Variants in WWOX observed in about 807,000 individuals in gnomAD.
WWOX encodes the protein WW domain containing oxidoreductase.
In WWOX, 69 loss-of-function variants were observed where a neutral mutation model predicts 46.2. The observed-to-expected ratio is 1.49, with a 90% CI of 1.23 to 1.82. WWOX has a LOEUF of 1.82. Ranked by LOEUF, WWOX falls within the 40% of genes most tolerant of loss-of-function variation. The probability of loss-of-function intolerance (pLI) is 0.00; values close to 1 mark genes in which losing one functional copy is unlikely to be tolerated. For synonymous variants in WWOX, 359 were observed against 202.6 expected (o/e 1.77, Z -6.56); for missense variants, 919 against 542.6 (o/e 1.69, Z -6.89).
intron 8 of WWOX, among the ~76,000 whole-genome samples, chr16:78,590,421 G>A (rs1010394123): frequency 9.2e-5 from 14 of 152,160 alleles, no homozygotes; most frequent in Admixed American, 2.6e-4. Flanking sequence ...AGAAGGGTGC[G>A]GGAAGAACCC....
At chr16:78,764,307 C>CT (rs34368178) in intron 8 of WWOX, among the ~76,000 whole-genome samples, 1 of 151,530 alleles carries the variant, frequency 6.6e-6, no homozygotes, top group Admixed American at 6.6e-5. Context: ...TGAGTATGGC[C>CT]TTTTGGTCAG....
chr16:79,049,447 C>G (rs1314921742), intron 8 of WWOX, among the ~76,000 whole-genome samples: 1 of 152,174 alleles, frequency 6.6e-6, no homozygotes, highest in Non-Finnish European at 1.5e-5. Flanking sequence ...TATTCTGGTA[C>G]AGCTGTCACC....
At chr16:78,955,733 A>G (rs1343453180) in intron 8 of WWOX, among the ~76,000 whole-genome samples, 7 of 150,918 alleles carry the variant, frequency 4.6e-5, no homozygotes, top group Non-Finnish European at 8.9e-5. Flanking sequence ...TGGCAGCCTC[A>G]GCCTCCTAAA....
At chr16:78,505,704 C>G (rs1030633216) in intron 8 of WWOX, among the ~76,000 whole-genome samples, 1 of 149,932 alleles carries the variant, frequency 6.7e-6, no homozygotes, top group Non-Finnish European at 1.5e-5. Context: ...TGCCTCTCTG[C>G]TCTCCCTAGC....
chr16:78,962,690 T>A (rs974477529), intron 8 of WWOX, among the ~76,000 whole-genome samples: 1 of 152,316 alleles, frequency 6.6e-6, no homozygotes, highest in South Asian at 2.1e-4. Flanking sequence ...ACACATTAAA[T>A]GTACAGTTCA....
intron 8 of WWOX, chr16:78,756,938 A>G (rs538472251): frequency 7.1e-6 from 5 of 703,022 alleles, no homozygotes; most frequent in Admixed American, 4.0e-5. Context: ...CATTCACTCT[A>G]GGAAAAGCCA....
intron 8 of WWOX, among the ~76,000 whole-genome samples, chr16:78,629,916 A>T (rs2046388886): frequency 6.6e-6 from 1 of 152,226 alleles, no homozygotes; most frequent in Admixed American, 6.5e-5. Flanking sequence ...ATAGAAAATT[A>T]ACGTAGATCA....
rs181355217 is a variant in WWOX at position 78,526,900 on chromosome 16, C to G, written c.1056+94148C>G. ...GCCAGCGAGGGCAGGTGCAATGGCT[C>G]ACGCCTATAATCCCAGCACTTTGGG... On this transcript the variant is annotated intron_variant, in intron 8 of 8. Coordinates refer to ENST00000566780, the MANE Select transcript of WWOX (RefSeq NM_016373.4). Among the ~76,000 whole-genome samples, 38 of 152,292 alleles carry G rather than the reference C, an allele frequency of 2.5e-4. No individual in the cohort carries two copies. In the East Asian group the frequency reaches 7.0e-3, roughly 28 times the overall value.
chr16:78,831,937 T>C (rs1204902814), intron 8 of WWOX, among the ~76,000 whole-genome samples: 1 of 152,190 alleles, frequency 6.6e-6, no homozygotes, highest in African/African-American at 2.4e-5. Context: ...TTCCTCACTT[T>C]TGGTGATAAC....
intron 8 of WWOX, among the ~76,000 whole-genome samples, chr16:78,957,874 G>A (rs1170679373): frequency 7.2e-5 from 11 of 152,184 alleles, no homozygotes; most frequent in Non-Finnish European, 1.2e-4. Flanking sequence ...GAGGCTGGGC[G>A]TGGGGGGACA....
chr16:79,073,826 A>G (rs1486324944), intron 8 of WWOX, among the ~76,000 whole-genome samples: 1 of 152,222 alleles, frequency 6.6e-6, no homozygotes, highest in Non-Finnish European at 1.5e-5. Context: ...CCTTTAGAAA[A>G]GTTCGTAACT....
intron 5 of WWOX, among the ~76,000 whole-genome samples, chr16:78,358,740 T>A (rs2081348726): frequency 6.6e-6 from 1 of 151,672 alleles, no homozygotes; most frequent in Admixed American, 6.6e-5. Context: ...TACAAATGAG[T>A]TGAATATATA....
intron 8 of WWOX, among the ~76,000 whole-genome samples, chr16:79,152,817 C>T (rs1423815870): frequency 6.6e-6 from 1 of 152,160 alleles, no homozygotes; most frequent in Non-Finnish European, 1.5e-5. Context: ...GGTGGGCCAG[C>T]ACTGGGGTGG....
At chr16:79,037,889 C>A (rs906406191) in intron 8 of WWOX, among the ~76,000 whole-genome samples, 1 of 152,116 alleles carries the variant, frequency 6.6e-6, no homozygotes, top group African/African-American at 2.4e-5. Flanking sequence ...AGTAGAAATG[C>A]CAGCTGCAGC....
chr16:79,196,663 C>G (rs1010925515), intron 8 of WWOX, among the ~76,000 whole-genome samples: 7 of 152,160 alleles, frequency 4.6e-5, no homozygotes, highest in African/African-American at 1.2e-4. Context: ...AGTTCTCATC[C>G]TGTACACTAC....
chr16:78,195,660 A>G (rs2036024955), intron 5 of WWOX, among the ~76,000 whole-genome samples: 1 of 151,934 alleles, frequency 6.6e-6, no homozygotes, highest in South Asian at 2.1e-4. Flanking sequence ...TGTCTCTACT[A>G]AAAATACAAA....
At chr16:78,245,639 T>C (rs954560395) in intron 5 of WWOX, among the ~76,000 whole-genome samples, 1 of 152,226 alleles carries the variant, frequency 6.6e-6, no homozygotes, top group Admixed American at 6.5e-5. Flanking sequence ...GCCTCACTAA[T>C]GTGCATGTCT....
rs576207187 is a variant in WWOX, at chr16:78,524,714, C to T, written c.1056+91962C>T. ...GATTAAAGGTGTGAGCCACCGCGCC[C>T]AGCCTGTATTTATCTTTTTAAGTAA... is the stretch of plus-strand genomic sequence containing the variant. On this transcript the variant is annotated intron_variant, in intron 8 of 8. Coordinates refer to ENST00000566780, the MANE Select transcript of WWOX (RefSeq NM_016373.4). Among the ~76,000 whole-genome samples the T allele has an allele frequency of 4.0e-5, 6 of 151,710 alleles. No individual in the cohort carries two copies. In the South Asian group the frequency reaches 1.0e-3, roughly 26 times the overall value.
intron 8 of WWOX, among the ~76,000 whole-genome samples, chr16:78,612,027 C>A (rs1015752112): frequency 6.6e-6 from 1 of 152,214 alleles, no homozygotes; most frequent in African/African-American, 2.4e-5. Context: ...AGACTTAAGA[C>A]TTCTCAAGCA....
Sources: gnomAD v4.1 joint callset for allele counts (sites outside exome capture counted in the v4.1 genomes callset) on GRCh38, gnomAD v4.1.1 for gene constraint, MANE v1.5 for transcripts, NCBI Gene and HGNC (gene_info 2026-07-23, HGNC 2026-07-21) for gene names.